ZSWIM6: variants seen among roughly 807,000 people sequenced by gnomAD.
The protein encoded by ZSWIM6 is zinc finger SWIM domain-containing protein 6.
A neutral mutation model predicts 113.2 loss-of-function variants in ZSWIM6; 9 were observed. The observed-to-expected ratio is 0.08, with a 90% CI of 0.05 to 0.14. The LOEUF (loss-of-function observed/expected upper bound fraction) is 0.14. ZSWIM6 is among the 10% of genes least tolerant of loss of function. ZSWIM6 has a pLI of 1.00. For synonymous variants in ZSWIM6, 611 were observed against 606.5 expected (o/e 1.01, Z -0.11); for missense variants, 1,162 against 1,552.2 (o/e 0.75, Z 4.22).
At chr5:61,523,864 G>A (rs757528677) in intron 5 of ZSWIM6, among the ~76,000 whole-genome samples, 5 of 152,094 alleles carry the variant, frequency 3.3e-5, no homozygotes, top group Admixed American at 6.5e-5. Context: ...GTGTGTGTAC[G>A]CAACATTTCT....
intron 1 of ZSWIM6, among the ~76,000 whole-genome samples, chr5:61,437,998 G>A (rs772171192): frequency 6.6e-6 from 1 of 151,894 alleles, no homozygotes; most frequent in Non-Finnish European, 1.5e-5. Context: ...CTTAAATACT[G>A]AACACTCTCA....
chr5:61,498,026 T>C (rs1160524214), intron 4 of ZSWIM6, among the ~76,000 whole-genome samples: 1 of 152,128 alleles, frequency 6.6e-6, no homozygotes, highest in Middle Eastern at 3.2e-3. Flanking sequence ...GGATACACTG[T>C]AACCTCGCAT....
At chr5:61,356,970 G>A (rs1389664339) in intron 1 of ZSWIM6, among the ~76,000 whole-genome samples, 3 of 151,322 alleles carry the variant, frequency 2.0e-5, no homozygotes, top group African/African-American at 7.3e-5. Flanking sequence ...AACGTAAGAT[G>A]GTCAATTCTT....
At chr5:61,381,226 C>G (rs1391891683) in intron 1 of ZSWIM6, among the ~76,000 whole-genome samples, 1 of 152,208 alleles carries the variant, frequency 6.6e-6, no homozygotes, top group Admixed American at 6.5e-5. Context: ...GCACTCCAGC[C>G]TGGGCAACAG....
chr5:61,346,216 C>T (rs1744656141), intron 1 of ZSWIM6, among the ~76,000 whole-genome samples: 1 of 152,160 alleles, frequency 6.6e-6, no homozygotes. Context: ...TCCCAAAGTG[C>T]TGGAATTATA....
intron 4 of ZSWIM6, among the ~76,000 whole-genome samples, chr5:61,504,343 TCAGC>T (rs1374792013): frequency 6.6e-6 from 1 of 152,192 alleles, no homozygotes; most frequent in South Asian, 2.1e-4. Context: ...ATTGCATTAA[TCAGC>T]CAGCCAGTGG....
chr5:61,339,129 G>C (rs1744473863), intron 1 of ZSWIM6, among the ~76,000 whole-genome samples: 1 of 152,170 alleles, frequency 6.6e-6, no homozygotes, highest in African/African-American at 2.4e-5. Flanking sequence ...ATTTCAGCTA[G>C]TAATGTGTTC....
intron 1 of ZSWIM6, among the ~76,000 whole-genome samples, chr5:61,440,610 C>CT (rs1392277725): frequency 6.6e-6 from 1 of 152,192 alleles, no homozygotes; most frequent in East Asian, 1.9e-4. Context: ...ATAAACCTTG[C>CT]TTTTAAAAAT....
chr5:61,427,713 T>TTCC (rs993539946), intron 1 of ZSWIM6, among the ~76,000 whole-genome samples: 2 of 152,116 alleles, frequency 1.3e-5, no homozygotes, highest in African/African-American at 4.8e-5. Flanking sequence ...ACTCCCGGGC[T>TTCC]TAAGTGATCC....
intron 4 of ZSWIM6, among the ~76,000 whole-genome samples, chr5:61,505,418 T>A (rs1250507227): frequency 6.6e-6 from 1 of 152,126 alleles, no homozygotes; most frequent in African/African-American, 2.4e-5. Context: ...GTGGCTCTGG[T>A]GACCTCCTAC....
intron 1 of ZSWIM6, among the ~76,000 whole-genome samples, chr5:61,335,708 A>T (rs543459023): frequency 1.3e-5 from 2 of 152,376 alleles, no homozygotes; most frequent in Non-Finnish European, 2.9e-5. Flanking sequence ...TGACTAAATT[A>T]TAGCTACAAT....
chr5:61,487,459 G>T lies in ZSWIM6; in HGVS notation c.1034-3327G>T, dbSNP rs552652432. Among the ~76,000 whole-genome samples, 6 of 151,882 alleles carry T rather than the reference G, an allele frequency of 4.0e-5. No individual in the cohort carries two copies. The South Asian group carries it at 1.0e-3, about 26-fold the overall frequency. On this transcript the variant is annotated intron_variant, in intron 2 of 13. Transcript: ENST00000252744. ...ATGTCAATATTTGGATAAAGATTGC[G>T]TTGAATCTGTAGATTGCTTTGGGCA...
intron 1 of ZSWIM6, among the ~76,000 whole-genome samples, chr5:61,398,420 T>A (rs1339649585): frequency 6.6e-6 from 1 of 152,172 alleles, no homozygotes; most frequent in Non-Finnish European, 1.5e-5. Flanking sequence ...AAAAATTGTC[T>A]TTCATGAATC....
chr5:61,473,764 T>G (rs73107461), intron 2 of ZSWIM6, among the ~76,000 whole-genome samples: 5,407 of 152,262 alleles, frequency 0.036, 340 homozygotes, highest in African/African-American at 0.12. Context: ...TTTAAAAATA[T>G]TTAAAAATAT....
At chr5:61,460,234 T>C (rs1747294799) in intron 1 of ZSWIM6, among the ~76,000 whole-genome samples, 1 of 152,202 alleles carries the variant, frequency 6.6e-6, no homozygotes, top group Admixed American at 6.5e-5. Context: ...AGTTGGCTCA[T>C]GCTGATTGAT....
chr5:61,495,779 C>G (rs945768238), intron 4 of ZSWIM6, among the ~76,000 whole-genome samples: 3 of 152,032 alleles, frequency 2.0e-5, no homozygotes, highest in South Asian at 2.1e-4. Context: ...TTTTGTAACT[C>G]TAGTATAGAC....
intron 1 of ZSWIM6, among the ~76,000 whole-genome samples, chr5:61,404,525 A>C (rs746505885): frequency 3.9e-5 from 6 of 152,162 alleles, no homozygotes; most frequent in Non-Finnish European, 8.8e-5. Context: ...TAGGCAGCAG[A>C]CCTTATGGTA....
intron 1 of ZSWIM6, chr5:61,375,133 G>A: frequency 1.9e-6 from 3 of 1,611,276 alleles, no homozygotes; most frequent in East Asian, 4.5e-5. Flanking sequence ...GGACAATCGG[G>A]TGGCCTATAT....
intron 1 of ZSWIM6, among the ~76,000 whole-genome samples, chr5:61,456,717 T>G (rs899150692): frequency 6.6e-6 from 1 of 152,188 alleles, no homozygotes; most frequent in African/African-American, 2.4e-5. Flanking sequence ...TTTGAAAGAA[T>G]AAATGTTAGG....
Sources: allele counts gnomAD v4.1 joint callset (sites outside exome capture counted in the v4.1 genomes callset), GRCh38; gene constraint gnomAD v4.1.1; transcripts MANE v1.5; gene names NCBI Gene and HGNC (gene_info 2026-07-23, HGNC 2026-07-21).